Variants in SV2C observed in about 807,000 individuals in gnomAD.
SV2C encodes synaptic vesicle glycoprotein 2C, also known as solute carrier family 22 member B3.
Under a neutral mutation model 79.7 loss-of-function variants are expected in SV2C, and 49 were observed. The ratio of observed to expected loss-of-function variants is 0.61; its 90% CI spans 0.49 to 0.78. SV2C has a LOEUF of 0.78. Among genes scored for constraint, SV2C ranks in the 30% least tolerant of loss-of-function variants. The pLI is 0.00. For synonymous variants in SV2C, 334 were observed against 333.2 expected (o/e 1.00, Z -0.03); for missense variants, 833 against 912.9 (o/e 0.91, Z 1.13).
the SV2C span, among the ~76,000 whole-genome samples, chr5:75,907,799 C>T: frequency 6.6e-6 from 1 of 152,260 alleles, no homozygotes; most frequent in African/African-American, 2.4e-5. Flanking sequence ...AACAGAGAAA[C>T]CAAAATACCT....
At chr5:76,160,482 T>C (rs1463545493) in intron 2 of SV2C, among the ~76,000 whole-genome samples, 1 of 152,216 alleles carries the variant, frequency 6.6e-6, no homozygotes, top group Non-Finnish European at 1.5e-5. Context: ...AGGAAAAATA[T>C]TATTCGCAAA....
At chr5:75,850,860 G>T in the SV2C span, among the ~76,000 whole-genome samples, 1 of 152,148 alleles carries the variant, frequency 6.6e-6, no homozygotes, top group Non-Finnish European at 1.5e-5. Context: ...TGCCAGTGTT[G>T]CAGTGAGCTA....
intron 4 of SV2C, among the ~76,000 whole-genome samples, chr5:76,253,705 A>G (rs537111609): frequency 1.2e-5 from 1 of 86,472 alleles, no homozygotes; most frequent in African/African-American, 4.5e-5. Flanking sequence ...TCTCCTCCCT[A>G]AGGAAAAAAA....
intron 1 of SV2C, among the ~76,000 whole-genome samples, chr5:76,126,153 T>G (rs1198210634): frequency 6.6e-6 from 1 of 152,216 alleles, no homozygotes; most frequent in African/African-American, 2.4e-5. Context: ...GGCCATCACA[T>G]GTATTGGTGA....
the SV2C span, among the ~76,000 whole-genome samples, chr5:76,063,280 G>A: frequency 1.3e-5 from 2 of 152,074 alleles, no homozygotes; most frequent in Non-Finnish European, 2.9e-5. Context: ...CCTTCTAGAG[G>A]GGAAGCTAGG....
chr5:76,170,174 T>C (rs1743179056), intron 2 of SV2C, among the ~76,000 whole-genome samples: 1 of 149,748 alleles, frequency 6.7e-6, no homozygotes, highest in South Asian at 2.1e-4. Flanking sequence ...TTGGTCAATT[T>C]AAATACTGTG....
intron 12 of SV2C, chr5:76,353,030 A>G: frequency 2.3e-6 from 1 of 429,380 alleles, no homozygotes; most frequent in Non-Finnish European, 4.6e-6. Context: ...CTATAATCTT[A>G]ACTGGGCTCA....
intron 1 of SV2C, among the ~76,000 whole-genome samples, chr5:76,109,212 A>G (rs30246): frequency 0.2 from 30,655 of 152,168 alleles, 3,929 homozygotes; most frequent in South Asian, 0.42. Context: ...AGGATTGTTC[A>G]TGTGTGCTCA....
chr5:75,853,630 A>AAAAAAAAAAAAAC, the SV2C span, among the ~76,000 whole-genome samples: 1 of 143,920 alleles, frequency 6.9e-6, no homozygotes, highest in Non-Finnish European at 1.5e-5. Context: ...AAAAAAAAAA[A>AAAAAAAAAAAAAC]AGAATTTTAA....
At chr5:76,049,897 A>G in the SV2C span, among the ~76,000 whole-genome samples, 1 of 152,242 alleles carries the variant, frequency 6.6e-6, no homozygotes, top group East Asian at 1.9e-4. Flanking sequence ...ACAAAACAAA[A>G]TTCTCAGTAA....
intron 4 of SV2C, among the ~76,000 whole-genome samples, chr5:76,259,498 G>C (rs1353315331): frequency 6.6e-6 from 1 of 152,028 alleles, no homozygotes; most frequent in Non-Finnish European, 1.5e-5. Context: ...TTGTTACATA[G>C]GTATATGTGT....
At chr5:76,168,314 C>A (rs776558840) in intron 2 of SV2C, among the ~76,000 whole-genome samples, 1 of 152,172 alleles carries the variant, frequency 6.6e-6, no homozygotes, top group East Asian at 1.9e-4. Context: ...GTCTAATGCT[C>A]GCTACTTTAG....
At chr5:76,162,543 C>G (rs931738216) in intron 2 of SV2C, among the ~76,000 whole-genome samples, 1 of 152,132 alleles carries the variant, frequency 6.6e-6, no homozygotes, top group African/African-American at 2.4e-5. Context: ...AGGATTGTAC[C>G]AGATGCTTCC....
At chr5:76,035,555 T>C in the SV2C span, among the ~76,000 whole-genome samples, 1 of 152,208 alleles carries the variant, frequency 6.6e-6, no homozygotes, top group East Asian at 1.9e-4. Flanking sequence ...TGCAGTTGAG[T>C]GGTTTTGAGT....
chr5:75,883,082 A>G, the SV2C span, among the ~76,000 whole-genome samples: 3,416 of 146,060 alleles, frequency 0.023, 123 homozygotes, highest in African/African-American at 0.081. Context: ...CAAAAAACAC[A>G]TGAAAAAATG....
chr5:76,280,637 C>G (rs981691080), intron 4 of SV2C, among the ~76,000 whole-genome samples: 1 of 152,166 alleles, frequency 6.6e-6, no homozygotes, highest in Non-Finnish European at 1.5e-5. Context: ...AAGGAGGGAG[C>G]CTGCCCCGGC....
chr5:76,063,650 C>T, the SV2C span, among the ~76,000 whole-genome samples: 3 of 152,116 alleles, frequency 2.0e-5, no homozygotes, highest in Non-Finnish European at 4.4e-5. Flanking sequence ...GACCCAATAT[C>T]CTTTGAGCAG....
chr5:76,149,702 G>A (rs1749542911), intron 2 of SV2C, among the ~76,000 whole-genome samples: 1 of 152,098 alleles, frequency 6.6e-6, no homozygotes, highest in South Asian at 2.1e-4. Flanking sequence ...CTTACCCGCA[G>A]CTGAGGGATG....
the SV2C span, among the ~76,000 whole-genome samples, chr5:75,909,602 G>T: frequency 1.3e-5 from 2 of 152,134 alleles, no homozygotes; most frequent in Admixed American, 1.3e-4. Flanking sequence ...ATTGTAAAGT[G>T]GTAAAATTGT....
Sources: allele counts gnomAD v4.1 joint callset (sites outside exome capture counted in the v4.1 genomes callset), GRCh38; gene constraint gnomAD v4.1.1; transcripts MANE v1.5; gene names NCBI Gene and HGNC (gene_info 2026-07-23, HGNC 2026-07-21).